The following LUZP2 variants were observed in gnomAD, a reference collection of about 807,000 sequenced individuals.
LUZP2 encodes leucine zipper protein 2.
LUZP2 carries 52 observed loss-of-function variants against 51.6 expected under a neutral mutation model. That is an observed-to-expected ratio of 1.01 (90% confidence interval 0.81 to 1.27). The LOEUF (loss-of-function observed/expected upper bound fraction) is 1.27. LUZP2 is among the 50% of genes most tolerant of loss of function. The pLI, the probability that LUZP2 is intolerant of heterozygous loss-of-function variation, is 0.00. For missense variants in LUZP2, 436 were observed against 395.4 expected, an observed-to-expected ratio of 1.10 and a Z score of -0.87; for synonymous variants, 154 against 137.3, an observed-to-expected ratio of 1.12 and a Z score of -0.85.
chr11:24,549,220 T>G (rs1851651438), intron 1 of LUZP2, among the ~76,000 whole-genome samples: 1 of 152,118 alleles, frequency 6.6e-6, no homozygotes, highest in South Asian at 2.1e-4. Context: ...ACATTTTAAA[T>G]TTTTTAAATT....
At chr11:24,667,187 T>TTTC (rs1856243218) in intron 1 of LUZP2, among the ~76,000 whole-genome samples, 1 of 148,068 alleles carries the variant, frequency 6.8e-6, no homozygotes, top group African/African-American at 2.5e-5. Context: ...TTTTTTTCTT[T>TTTC]TTTTTTTTTT....
intron 9 of LUZP2, among the ~76,000 whole-genome samples, chr11:25,003,302 G>T (rs1457755929): frequency 6.6e-6 from 1 of 152,180 alleles, no homozygotes; most frequent in African/African-American, 2.4e-5. Context: ...GGGGCAAGAT[G>T]GTCCACGTAA....
intron 6 of LUZP2, among the ~76,000 whole-genome samples, chr11:24,909,667 A>G (rs1853565523): frequency 6.6e-6 from 1 of 152,188 alleles, no homozygotes; most frequent in Admixed American, 6.5e-5. Context: ...AGCACAAAAT[A>G]ATGATAACCA....
At chr11:25,020,661 T>C (rs148794717) in intron 9 of LUZP2, among the ~76,000 whole-genome samples, 1 of 152,276 alleles carries the variant, frequency 6.6e-6, no homozygotes, top group East Asian at 1.9e-4. Context: ...CACTATTTTC[T>C]TTCCTGCTAC....
chr11:24,907,239 A>G (rs75043034), intron 6 of LUZP2, among the ~76,000 whole-genome samples: 219 of 148,810 alleles, frequency 1.5e-3, no homozygotes, highest in African/African-American at 5.1e-3. Flanking sequence ...CCAAACTAAG[A>G]TTTGTTAAAG....
chr11:24,958,889 C>T (rs1167481102), intron 7 of LUZP2, among the ~76,000 whole-genome samples: 2 of 152,084 alleles, frequency 1.3e-5, no homozygotes, highest in East Asian at 3.8e-4. Flanking sequence ...GGTTTTAGGT[C>T]TAACATTTAA....
intron 5 of LUZP2, among the ~76,000 whole-genome samples, chr11:24,813,602 G>C (rs952712290): frequency 2.6e-5 from 4 of 152,186 alleles, no homozygotes; most frequent in African/African-American, 9.7e-5. Context: ...ACAAGGGGAT[G>C]GCCCAAGCCA....
At chr11:24,886,733 A>T (rs1228687293) in intron 5 of LUZP2, among the ~76,000 whole-genome samples, 2 of 152,190 alleles carry the variant, frequency 1.3e-5, no homozygotes, top group Non-Finnish European at 2.9e-5. Context: ...TGTGCATCTA[A>T]GAATTGCTGA....
chr11:24,521,429 G>C (rs1454551676), intron 1 of LUZP2, among the ~76,000 whole-genome samples: 1 of 151,090 alleles, frequency 6.6e-6, no homozygotes, highest in African/African-American at 2.4e-5. Context: ...TGTATCTGAT[G>C]ACCCCAGAGG....
At chr11:24,546,717 A>T (rs910217211) in intron 1 of LUZP2, among the ~76,000 whole-genome samples, 3 of 152,056 alleles carry the variant, frequency 2.0e-5, no homozygotes, top group African/African-American at 7.2e-5. Context: ...CATCAAAGAT[A>T]TTGGCCAGAA....
At chr11:24,519,270 A>T (rs73429143) in intron 1 of LUZP2, among the ~76,000 whole-genome samples, 14,372 of 152,076 alleles carry the variant, frequency 0.095, 990 homozygotes, top group African/African-American at 0.2. Context: ...GACTGTTAAC[A>T]GTACCCCTCA....
At chr11:24,922,358 A>G (rs933399542) in intron 7 of LUZP2, among the ~76,000 whole-genome samples, 5 of 152,302 alleles carry the variant, frequency 3.3e-5, no homozygotes, top group East Asian at 1.9e-4. Flanking sequence ...ATTTCCATGT[A>G]TGTATAACAG....
intron 9 of LUZP2, among the ~76,000 whole-genome samples, chr11:25,000,339 C>A (rs1856646912): frequency 6.6e-6 from 1 of 152,128 alleles, no homozygotes; most frequent in Admixed American, 6.6e-5. Context: ...TGGCTGATGA[C>A]TGCTCTAGCT....
intron 5 of LUZP2, chr11:24,892,975 A>G (rs1374096842): frequency 1.3e-5 from 2 of 152,206 alleles, no homozygotes; most frequent in Non-Finnish European, 2.9e-5. Flanking sequence ...GAAAATGTAC[A>G]TCACCTAACT....
At chr11:24,507,707 A>C (rs1380110248) in intron 1 of LUZP2, among the ~76,000 whole-genome samples, 5 of 152,106 alleles carry the variant, frequency 3.3e-5, no homozygotes, top group African/African-American at 1.2e-4. Flanking sequence ...ATGAAGCCAT[A>C]TAAATGCTTG....
chr11:24,516,119 T>C (rs1239293307), intron 1 of LUZP2, among the ~76,000 whole-genome samples: 2 of 152,146 alleles, frequency 1.3e-5, no homozygotes, highest in East Asian at 3.9e-4. Context: ...TTTTTTTCAG[T>C]TAAATTGGGA....
At chr11:24,899,489 T>C (rs904155541) in intron 5 of LUZP2, among the ~76,000 whole-genome samples, 1 of 151,986 alleles carries the variant, frequency 6.6e-6, no homozygotes, top group African/African-American at 2.4e-5. Context: ...ATGTAAATAC[T>C]TTAATTGAGA....
intron 1 of LUZP2, among the ~76,000 whole-genome samples, chr11:24,601,594 G>A (rs945271875): frequency 9.2e-5 from 14 of 151,542 alleles, no homozygotes; most frequent in Non-Finnish European, 1.6e-4. Flanking sequence ...TTATTTTATC[G>A]GGTAGCCTAT....
chr11:24,585,776 A>G (rs931964), intron 1 of LUZP2, among the ~76,000 whole-genome samples: 81,104 of 151,706 alleles, frequency 0.53, 22,176 homozygotes, highest in African/African-American at 0.63. Flanking sequence ...CCGCTTTCAG[A>G]CAAACCTATG....
Sources: allele counts gnomAD v4.1 joint callset (sites outside exome capture counted in the v4.1 genomes callset), GRCh38; gene constraint gnomAD v4.1.1; transcripts MANE v1.5; gene names NCBI Gene and HGNC (gene_info 2026-07-23, HGNC 2026-07-21).